Variants in DLGAP2 observed in about 807,000 individuals in gnomAD.
The protein encoded by DLGAP2 is DLG associated protein 2, also known as disks large-associated protein 2.
Under a neutral mutation model 100.3 loss-of-function variants are expected in DLGAP2, and 26 were observed. The observed-to-expected ratio is 0.26, with a 90% CI of 0.19 to 0.36. DLGAP2 has a LOEUF of 0.36. DLGAP2 is among the 10% of genes least tolerant of loss of function. The pLI is 1.00. For missense variants in DLGAP2, 1,858 were observed against 1,453.2 expected, an observed-to-expected ratio of 1.28 and a Z score of -4.53; for synonymous variants, 886 against 630.1, an observed-to-expected ratio of 1.41 and a Z score of -6.08.
At chr8:1,509,108 G>A (rs754216659) in intron 4 of DLGAP2, among the ~76,000 whole-genome samples, 2 of 152,042 alleles carry the variant, frequency 1.3e-5, no homozygotes, top group Non-Finnish European at 2.9e-5. Context: ...CGAGGCGGGC[G>A]GATCACGAGG....
intron 1 of DLGAP2, among the ~76,000 whole-genome samples, chr8:850,586 G>A (rs1797167059): frequency 6.6e-6 from 1 of 152,184 alleles, no homozygotes; most frequent in Non-Finnish European, 1.5e-5. Context: ...TGTATGAAAT[G>A]AGGCTGTTGC....
intron 3 of DLGAP2, among the ~76,000 whole-genome samples, chr8:1,373,944 A>G (rs1271581481): frequency 3.3e-5 from 5 of 152,182 alleles, no homozygotes; most frequent in African/African-American, 1.2e-4. Context: ...AGTTATCCCA[A>G]TTGAATAGTC....
intron 4 of DLGAP2, among the ~76,000 whole-genome samples, chr8:1,536,761 A>G (rs1282804641): frequency 6.6e-6 from 1 of 152,140 alleles, no homozygotes; most frequent in Non-Finnish European, 1.5e-5. Flanking sequence ...CTTTTCTGCC[A>G]CTTCTCTCCC....
chr8:1,007,660 A>G (rs551879758), intron 2 of DLGAP2, among the ~76,000 whole-genome samples: 3 of 151,954 alleles, frequency 2.0e-5, no homozygotes, highest in African/African-American at 4.8e-5. Flanking sequence ...CTGTGAGTCA[A>G]CTGGCTCTGT....
At chr8:1,592,906 C>T (rs1284133494) in intron 6 of DLGAP2, among the ~76,000 whole-genome samples, 1 of 152,150 alleles carries the variant, frequency 6.6e-6, no homozygotes, top group Non-Finnish European at 1.5e-5. Context: ...CAAATGGATG[C>T]AGATTCAGCA....
chr8:805,990 T>G (rs77748440), intron 1 of DLGAP2, among the ~76,000 whole-genome samples: 313 of 152,362 alleles, frequency 2.1e-3, no homozygotes, highest in Non-Finnish European at 3.8e-3. Flanking sequence ...CATCTAGCCC[T>G]TCCGTTTTGA....
At chr8:1,267,413 A>T (rs1053102398) in intron 3 of DLGAP2, among the ~76,000 whole-genome samples, 19 of 150,268 alleles carry the variant, frequency 1.3e-4, no homozygotes, top group Non-Finnish European at 1.3e-4. Flanking sequence ...TGAAAATACA[A>T]AAATTAGCCA....
intron 5 of DLGAP2, among the ~76,000 whole-genome samples, chr8:1,550,925 G>T (rs952469544): frequency 7.9e-5 from 12 of 152,212 alleles, no homozygotes; most frequent in African/African-American, 2.9e-4. Context: ...CCTCGCATCA[G>T]CTTAGAGACA....
chr8:1,141,184 T>A (rs7826117), intron 2 of DLGAP2, among the ~76,000 whole-genome samples: 7,800 of 152,134 alleles, frequency 0.051, 257 homozygotes, highest in African/African-American at 0.082. Context: ...GGGGGCTGGG[T>A]CATGACTTCC....
intron 3 of DLGAP2, among the ~76,000 whole-genome samples, chr8:1,364,502 C>CGGGGGGGGG (rs139560352): frequency 7.1e-6 from 1 of 141,520 alleles, no homozygotes; most frequent in African/African-American, 2.7e-5. Context: ...ATGGGAAGGG[C>CGGGGGGGGG]GGGGGGGGTG....
chr8:1,196,922 G>A (rs938855084), intron 2 of DLGAP2, among the ~76,000 whole-genome samples: 1 of 152,168 alleles, frequency 6.6e-6, no homozygotes. Flanking sequence ...GATTATGGGG[G>A]CTGAGAGGTC....
intron 1 of DLGAP2, among the ~76,000 whole-genome samples, chr8:789,846 C>G (rs775810622): frequency 6.6e-6 from 1 of 152,136 alleles, no homozygotes; most frequent in Non-Finnish European, 1.5e-5. Flanking sequence ...TGGACCTGGA[C>G]AAGTGGTATT....
chr8:1,418,229 A>T (rs1444745033), intron 3 of DLGAP2, among the ~76,000 whole-genome samples: 1 of 152,250 alleles, frequency 6.6e-6, no homozygotes, highest in Admixed American at 6.5e-5. Context: ...TCTACTACTG[A>T]ACATTTAAGA....
intron 5 of DLGAP2, among the ~76,000 whole-genome samples, chr8:1,561,336 G>A (rs1438612129): frequency 2.0e-5 from 3 of 152,156 alleles, no homozygotes; most frequent in African/African-American, 7.2e-5. Flanking sequence ...AGCGCGGTCT[G>A]TATTCCTCTT....
At chr8:1,438,729 A>C (rs1199530776) in intron 3 of DLGAP2, among the ~76,000 whole-genome samples, 2 of 152,222 alleles carry the variant, frequency 1.3e-5, no homozygotes, top group Non-Finnish European at 2.9e-5. Context: ...TTCCGCATGC[A>C]CAGACTGTGA....
intron 1 of DLGAP2, among the ~76,000 whole-genome samples, chr8:891,981 A>G (rs1204737057): frequency 2.0e-5 from 3 of 152,242 alleles, no homozygotes; most frequent in Non-Finnish European, 2.9e-5. Flanking sequence ...ACTGCACGTA[A>G]GTGTGCATGA....
At chr8:1,321,316 G>T (rs546411487) in intron 3 of DLGAP2, among the ~76,000 whole-genome samples, 1 of 151,614 alleles carries the variant, frequency 6.6e-6, no homozygotes, top group East Asian at 2.0e-4. Flanking sequence ...GTGTCTCTGC[G>T]TGTGCGTGTG....
intron 3 of DLGAP2, among the ~76,000 whole-genome samples, chr8:1,413,535 A>C (rs1055573280): frequency 3.3e-5 from 5 of 152,244 alleles, no homozygotes; most frequent in African/African-American, 9.6e-5. Flanking sequence ...ATAGAGTTAT[A>C]ATGGAAATGA....
chr8:1,110,090 G>C (rs1448566989), intron 2 of DLGAP2, among the ~76,000 whole-genome samples: 3 of 143,098 alleles, frequency 2.1e-5, no homozygotes, highest in Non-Finnish European at 4.6e-5. Flanking sequence ...GGTGTGCACG[G>C]GTCTGTGAGG....
Sources: allele counts gnomAD v4.1 joint callset (sites outside exome capture counted in the v4.1 genomes callset), GRCh38; gene constraint gnomAD v4.1.1; transcripts MANE v1.5; gene names NCBI Gene and HGNC (gene_info 2026-07-23, HGNC 2026-07-21).